SAMMSON: variants seen among roughly 807,000 people sequenced by gnomAD.
SAMMSON encodes long intergenic non-protein coding RNA 1212.
chr3:70,169,450 C>T (rs2067652541), intron 4 of SAMMSON, among the ~76,000 whole-genome samples: 1 of 151,846 alleles, frequency 6.6e-6, no homozygotes, highest in South Asian at 2.1e-4. Context: ...GTGATATTTC[C>T]TTAACATCTC....
At chr3:70,187,427 CTTTTTTTTTTT>C (rs928465556) in intron 4 of SAMMSON, among the ~76,000 whole-genome samples, 12 of 73,152 alleles carry the variant, frequency 1.6e-4, no homozygotes, top group African/African-American at 2.6e-4. Context: ...GGGACCAACT[CTTTTTTTTTTT>C]TTTTTTTTTT....
At chr3:70,034,599 T>C (rs974679796) in intron 3 of SAMMSON, among the ~76,000 whole-genome samples, 1 of 152,106 alleles carries the variant, frequency 6.6e-6, no homozygotes, top group African/African-American at 2.4e-5. Flanking sequence ...ATCCCAGCAC[T>C]TTGGGAGGCC....
rs545978259 is a variant in SAMMSON at position 70,158,915 on chromosome 3, T to A, written n.507+87350T>A. On this transcript the variant is annotated intron_variant and non_coding_transcript_variant, in intron 4 of 9. Coordinates refer to ENST00000642114, the Ensembl canonical transcript of SAMMSON. The stretch of plus-strand genomic sequence containing the variant: ...AAGACAAAAATAATTTCCTTTTAAT[T>A]GTAGGCAACTTGTAAAAATTTCCTC... Among the ~76,000 whole-genome samples, 5 of 152,176 alleles carry A rather than the reference T, an allele frequency of 3.3e-5. No homozygotes were observed. In the East Asian group the frequency reaches 9.7e-4, roughly 29 times the overall value.
intron 7 of SAMMSON, among the ~76,000 whole-genome samples, chr3:70,316,991 T>C (rs571054422): frequency 2.0e-5 from 3 of 152,100 alleles, no homozygotes; most frequent in Admixed American, 2.0e-4. Context: ...TGCTAGTAGG[T>C]GGTGTGTTAC....
intron 4 of SAMMSON, among the ~76,000 whole-genome samples, chr3:70,116,519 T>G (rs1215221666): frequency 6.6e-6 from 1 of 152,010 alleles, no homozygotes; most frequent in African/African-American, 2.4e-5. Flanking sequence ...GTGACAGTTT[T>G]TTTTTATTTG....
At chr3:70,103,198 C>T (rs1380512185) in intron 4 of SAMMSON, among the ~76,000 whole-genome samples, 1 of 152,078 alleles carries the variant, frequency 6.6e-6, no homozygotes, top group Non-Finnish European at 1.5e-5. Context: ...TTCAACAAAA[C>T]CCCCAAATCT....
intron 7 of SAMMSON, among the ~76,000 whole-genome samples, chr3:70,348,595 C>G (rs1323105018): frequency 2.0e-5 from 3 of 152,148 alleles, no homozygotes; most frequent in Non-Finnish European, 4.4e-5. Context: ...CAAATACTAT[C>G]ACATTGGAGA....
At chr3:69,999,631 G>A (rs1322311308), upstream of SAMMSON, 1 of 152,260 alleles carries the variant, frequency 6.6e-6, no homozygotes, top group East Asian at 1.9e-4. Context: ...GTGAGGACAG[G>A]CGCTCCTGCT....
intron 4 of SAMMSON, among the ~76,000 whole-genome samples, chr3:70,187,779 C>A (rs572428697): frequency 3.3e-5 from 5 of 152,228 alleles, no homozygotes; most frequent in African/African-American, 1.2e-4. Context: ...TGTAGTCCAT[C>A]AGACCACACA....
chr3:70,344,891 C>T (rs908310601), intron 7 of SAMMSON, among the ~76,000 whole-genome samples: 2 of 152,118 alleles, frequency 1.3e-5, no homozygotes, highest in African/African-American at 4.8e-5. Context: ...GCCATTTCTC[C>T]AAGGATGTAT....
exon 6 of SAMMSON, chr3:70,249,622 T>C (rs60142787): frequency 6.6e-6 from 1 of 151,868 alleles, no homozygotes; most frequent in Non-Finnish European, 1.5e-5. Context: ...TGGAAAGAAA[T>C]GTAATGTTTT....
intron 3 of SAMMSON, among the ~76,000 whole-genome samples, chr3:70,051,134 C>CAAA (rs71126477): frequency 2.2e-4 from 10 of 45,218 alleles, no homozygotes; most frequent in Admixed American, 3.7e-4. Flanking sequence ...TACTCCATCT[C>CAAA]AAAAAAAAAA....
chr3:70,152,321 T>A (rs528947873), intron 4 of SAMMSON, among the ~76,000 whole-genome samples: 1 of 152,116 alleles, frequency 6.6e-6, no homozygotes, highest in Admixed American at 6.6e-5. Flanking sequence ...ATTTTCTGAA[T>A]AACAAAATGC....
chr3:70,213,728 C>T (rs1031126205), intron 4 of SAMMSON, among the ~76,000 whole-genome samples: 2 of 152,216 alleles, frequency 1.3e-5, no homozygotes, highest in Admixed American at 6.5e-5. Flanking sequence ...TATGATTATA[C>T]TCTCTGCAGC....
intron 2 of SAMMSON, among the ~76,000 whole-genome samples, chr3:70,428,121 T>C (rs1408220232): frequency 6.6e-6 from 1 of 152,166 alleles, no homozygotes; most frequent in Non-Finnish European, 1.5e-5. Flanking sequence ...AATGAAGATA[T>C]ATATTTTGGC....
intron 3 of SAMMSON, among the ~76,000 whole-genome samples, chr3:70,043,051 T>C (rs1034012033): frequency 1.3e-5 from 2 of 152,126 alleles, no homozygotes; most frequent in African/African-American, 4.8e-5. Flanking sequence ...TTTTCATGTA[T>C]ATCATGCACC....
rs1440474918 is a variant in SAMMSON, at chr3:70,292,305, G to A, written n.739+1062G>A. Among the ~76,000 whole-genome samples the A allele has an allele frequency of 2.0e-5, 3 of 152,046 alleles. No homozygotes were observed. In the East Asian group the frequency reaches 5.8e-4, roughly 29 times the overall value. On this transcript the variant is annotated intron_variant and non_coding_transcript_variant, in intron 7 of 9. Transcript: ENST00000642114. ...TTTATTTGATTGTTTATAATATATAGTATCTATCTATTAGAATGGAGTCTC... is the reference window on the plus strand; with the variant it reads ...TTTATTTGATTGTTTATAATATATAATATCTATCTATTAGAATGGAGTCTC...
At chr3:70,353,787 A>C (rs1026239666) in intron 7 of SAMMSON, among the ~76,000 whole-genome samples, 1 of 152,232 alleles carries the variant, frequency 6.6e-6, no homozygotes. Context: ...TAGCAGCTTC[A>C]TTCATAATAA....
intron 4 of SAMMSON, among the ~76,000 whole-genome samples, chr3:70,248,649 A>C (rs1034302607): frequency 1.3e-5 from 2 of 152,178 alleles, no homozygotes; most frequent in African/African-American, 2.4e-5. Flanking sequence ...TCAACAGTAA[A>C]GACAGGAGTT....
Sources: gnomAD v4.1 joint callset for allele counts (sites outside exome capture counted in the v4.1 genomes callset) on GRCh38, gnomAD v4.1.1 for gene constraint, MANE v1.5 for transcripts, NCBI Gene and HGNC (gene_info 2026-07-23, HGNC 2026-07-21) for gene names.